The following CELF2 variants were observed in gnomAD, a reference collection of about 807,000 sequenced individuals.
CELF2 encodes the protein CUGBP Elav-like family member 2.
A neutral mutation model predicts 62.6 loss-of-function variants in CELF2; 8 were observed. The observed-to-expected ratio is 0.13, with a 90% CI of 0.07 to 0.23. The LOEUF is 0.23. Ranked by LOEUF, CELF2 falls within the 10% of genes least tolerant of loss-of-function variation. The probability of loss-of-function intolerance (pLI) is 1.00; values close to 1 mark genes in which losing one functional copy is unlikely to be tolerated. For synonymous variants in CELF2, 258 were observed against 250.0 expected, an observed-to-expected ratio of 1.03 and a Z score of -0.30; for missense variants, 333 against 671.0, an observed-to-expected ratio of 0.50 and a Z score of 5.56.
Position 11,011,406 on chromosome 10 carries a change from G to A in CELF2, c.53+5966G>A, listed in dbSNP as rs2056440577. Among the ~76,000 whole-genome samples the A allele has an allele frequency of 6.6e-6, 1 of 151,316 alleles. No individual in the cohort carries two copies. The highest frequency in any genetic ancestry group is 2.4e-5 in the African/African-American group (1 of 41,130). ...GGGCCCTGAAGGATGGGCAGATGGA[G>A]GTGGGTGAGGGGGAGAGGGAAGGTG... On this transcript the variant is annotated intron_variant, in intron 1 of 12. Coordinates refer to the CELF2 transcript ENST00000416382. This position sits in a 1 kb window ranked among gnomAD's most constrained non-coding sequence, Gnocchi z 4.6.
intron 2 of CELF2, among the ~76,000 whole-genome samples, chr10:11,194,001 ACT>A (rs1343062764): frequency 6.6e-6 from 1 of 151,736 alleles, no homozygotes; most frequent in South Asian, 2.1e-4. Context: ...CAGTGTTGAA[ACT>A]CTCATTTTGG....
At chr10:11,121,381 A>G (rs1361605165) in intron 1 of CELF2, among the ~76,000 whole-genome samples, 1 of 152,156 alleles carries the variant, frequency 6.6e-6, no homozygotes, top group Non-Finnish European at 1.5e-5. Context: ...ATGCCAAACC[A>G]TTAAGCAGCA....
chr10:10,581,756 G>A, the CELF2 span, among the ~76,000 whole-genome samples: 10 of 152,166 alleles, frequency 6.6e-5, no homozygotes, highest in Non-Finnish European at 1.3e-4. Context: ...TAGGCCAGGC[G>A]CGGTGGTTCA....
the CELF2 span, among the ~76,000 whole-genome samples, chr10:10,470,063 G>A: frequency 6.6e-6 from 1 of 151,856 alleles, no homozygotes; most frequent in African/African-American, 2.4e-5. Flanking sequence ...TAGGGATTCT[G>A]AACTAGTACA....
At chr10:10,618,898 A>T in the CELF2 span, among the ~76,000 whole-genome samples, 3 of 152,034 alleles carry the variant, frequency 2.0e-5, no homozygotes, top group East Asian at 5.8e-4. Flanking sequence ...AGGAGATAGC[A>T]TCTGATTTAC....
At chr10:11,127,338 G>T (rs1465161354) in intron 1 of CELF2, among the ~76,000 whole-genome samples, 1 of 152,144 alleles carries the variant, frequency 6.6e-6, no homozygotes, top group Non-Finnish European at 1.5e-5. Flanking sequence ...ATTGTGAATA[G>T]TGCCCCAGTA....
chr10:10,999,000 A>G (rs1050875447), intron 2 of CELF2, among the ~76,000 whole-genome samples: 3 of 152,220 alleles, frequency 2.0e-5, no homozygotes, highest in Admixed American at 2.0e-4. Flanking sequence ...CAACGTACCC[A>G]TATAAATGGT....
the CELF2 span, among the ~76,000 whole-genome samples, chr10:10,474,166 G>A: frequency 2.0e-5 from 3 of 152,048 alleles, no homozygotes; most frequent in African/African-American, 7.2e-5. Flanking sequence ...CCATAGGCCA[G>A]GAGCAGTGGC....
the CELF2 span, among the ~76,000 whole-genome samples, chr10:10,643,799 C>T: frequency 1.3e-5 from 2 of 152,156 alleles, no homozygotes; most frequent in South Asian, 2.1e-4. Flanking sequence ...TATGTCTTAA[C>T]GTAGGCTCTG....
chr10:10,601,224 C>G, the CELF2 span, among the ~76,000 whole-genome samples: 1 of 152,166 alleles, frequency 6.6e-6, no homozygotes, highest in Non-Finnish European at 1.5e-5. Flanking sequence ...ATCTCAGCCC[C>G]TCCATACTGC....
chr10:10,479,549 AT>A, the CELF2 span, among the ~76,000 whole-genome samples: 8 of 152,312 alleles, frequency 5.3e-5, no homozygotes, highest in African/African-American at 1.9e-4. Context: ...AAGTATCATG[AT>A]GGTTTCATCA....
chr10:11,285,025 G>A lies in CELF2; in HGVS notation c.842-3393G>A, dbSNP rs1244103667. On this transcript the variant is annotated intron_variant, in intron 8 of 12. Transcript: ENST00000633077. This position sits in a 1 kb window ranked among gnomAD's most constrained non-coding sequence, Gnocchi z 4.3. ...ATGACGGATGGGTGGGAGGATAGTG[G>A]ATCTGTGGATGGATAATTAAGTGGA... Among the ~76,000 whole-genome samples the A allele has an allele frequency of 6.7e-6, 1 of 150,048 alleles. No individual in the cohort carries two copies.
chr10:10,837,267 A>G (rs1590999769), intron 1 of CELF2, among the ~76,000 whole-genome samples: 1 of 152,110 alleles, frequency 6.6e-6, no homozygotes, highest in Admixed American at 6.5e-5. Flanking sequence ...ATCTAATGAT[A>G]TTTTTAAAGA....
intron 1 of CELF2, among the ~76,000 whole-genome samples, chr10:11,155,890 C>T (rs544722690): frequency 2.2e-4 from 34 of 152,226 alleles, no homozygotes; most frequent in African/African-American, 7.7e-4. Flanking sequence ...ACATCATTTA[C>T]GACTGAGAAA....
intron 2 of CELF2, among the ~76,000 whole-genome samples, chr10:11,171,717 T>G (rs546206419): frequency 1.2e-4 from 18 of 152,332 alleles, no homozygotes; most frequent in African/African-American, 2.6e-4. Context: ...GAGCCTTGCT[T>G]TCTTTATCCA....
At chr10:11,066,064 A>G (rs761836203) in intron 1 of CELF2, among the ~76,000 whole-genome samples, 1 of 152,104 alleles carries the variant, frequency 6.6e-6, no homozygotes, top group Non-Finnish European at 1.5e-5. Flanking sequence ...GAGAGGGCGT[A>G]GGGAGGAGGA....
chr10:10,646,070 T>G, the CELF2 span, among the ~76,000 whole-genome samples: 1 of 152,194 alleles, frequency 6.6e-6, no homozygotes, highest in Non-Finnish European at 1.5e-5. Context: ...CCATTGAGGT[T>G]TTCAGATAAG....
chr10:10,546,697 T>C, the CELF2 span, among the ~76,000 whole-genome samples: 1 of 152,178 alleles, frequency 6.6e-6, no homozygotes, highest in Non-Finnish European at 1.5e-5. Context: ...ATTATTTTCA[T>C]GACTTTTGTC....
the CELF2 span, among the ~76,000 whole-genome samples, chr10:10,487,297 G>A: frequency 6.6e-5 from 10 of 152,312 alleles, no homozygotes; most frequent in Admixed American, 2.6e-4. Context: ...AAGTGGCCAC[G>A]TCAGAGGTCA....
Sources: allele counts gnomAD v4.1 joint callset (sites outside exome capture counted in the v4.1 genomes callset), GRCh38; gene constraint gnomAD v4.1.1; non-coding constraint Gnocchi (gnomAD v3.1); transcripts MANE v1.5; gene names NCBI Gene and HGNC (gene_info 2026-07-23, HGNC 2026-07-21).